Variants in ZBTB21 observed in about 807,000 individuals in gnomAD.
ZBTB21 encodes zinc finger and BTB domain-containing protein 21.
Under a neutral mutation model 39.8 loss-of-function variants are expected in ZBTB21, and 10 were observed. That is an observed-to-expected ratio of 0.25 (90% confidence interval 0.16 to 0.43). The LOEUF (loss-of-function observed/expected upper bound fraction) is 0.43, where lower values mean the gene tolerates loss of function less well. Among genes scored for constraint, ZBTB21 ranks in the 20% least tolerant of loss-of-function variants. The probability of loss-of-function intolerance (pLI) is 1.00; values close to 1 mark genes in which losing one functional copy is unlikely to be tolerated. For missense variants in ZBTB21, 1,221 were observed against 1,296.3 expected (o/e 0.94, Z 0.89); for synonymous variants, 551 against 498.8 (o/e 1.10, Z -1.40).
At position 41,992,721 on chromosome 21, in the gene ZBTB21, A is replaced by C; in HGVS notation, c.1375T>G (p.Ser459Ala). 6.2e-7 allele frequency: 1 copy of C among 1,614,186 alleles called. No individual in the cohort carries two copies. The highest frequency in any genetic ancestry group is 1.3e-5 in the African/African-American group (1 of 75,030). ...GACAGGTCTCTTGTGACCGACGAAG[A>C]TGAGGCAGCTGCTGTTGTTGCCGCA... ...GDAATTAAAS[S>A]SSVTRDLSLK... is the part of the protein sequence containing the mutation. The change falls in exon 3 of 3, where the codon TCT becomes GCT. Residue 459 changes from serine (S) to alanine (A), a missense_variant. Physicochemically the swap from Ser to Ala is moderately conservative, Grantham distance 99. Coordinates refer to ENST00000310826, the MANE Select transcript of ZBTB21 (RefSeq NM_001098402.2). The surrounding 1 kb of genome is among the most constrained non-coding windows in gnomAD (Gnocchi z 4.1).
chr21:42,001,395 T>C (rs1374045126), intron 2 of ZBTB21, among the ~76,000 whole-genome samples: 1 of 152,230 alleles, frequency 6.6e-6, no homozygotes, highest in Non-Finnish European at 1.5e-5. Context: ...AGAACCCTTC[T>C]AGACATGGAA....
intron 2 of ZBTB21, among the ~76,000 whole-genome samples, chr21:41,996,858 T>C (rs1366266237): frequency 6.6e-6 from 1 of 152,180 alleles, no homozygotes; most frequent in Non-Finnish European, 1.5e-5. Flanking sequence ...TGAATAAATC[T>C]CAGGAGAGCT....
In ZBTB21 at chr21:41,990,101, G is replaced by A. The variant is rs964499194; in HGVS notation, c.*794C>T. ...TCAAATGCTGGTCTGAATTTAGACT[G>A]TGGTGCAGTGTACATGTAACATGGT... On this transcript the variant is annotated 3_prime_UTR_variant, in exon 3 of 3. Coordinates refer to ENST00000310826, the MANE Select transcript of ZBTB21 (RefSeq NM_001098402.2). 1.3e-5 allele frequency: 2 copies of A among 152,242 alleles called. No homozygotes were observed. The highest frequency in any genetic ancestry group is 2.9e-5 in the Non-Finnish European group (2 of 68,022). 9.4% of individuals were successfully genotyped at this position (152,242 alleles called of 1,614,324 possible). A position where few individuals can be genotyped will look rare whatever the true frequency, so the allele number is the denominator to read the frequency against.
intron 1 of ZBTB21, among the ~76,000 whole-genome samples, chr21:42,003,745 C>T (rs1218021005): frequency 2.6e-5 from 4 of 152,184 alleles, no homozygotes; most frequent in Admixed American, 2.6e-4. Flanking sequence ...TGGTCCCAAG[C>T]ATTTCAGATA....
intron 1 of ZBTB21, among the ~76,000 whole-genome samples, chr21:42,007,419 T>C (rs909669993): frequency 4.6e-5 from 7 of 152,204 alleles, no homozygotes; most frequent in Admixed American, 3.3e-4. Flanking sequence ...CTGGTTACAA[T>C]TCATCTCTCC....
rs1214552217 is a variant in ZBTB21, at chr21:41,989,688, T to G, written c.*1207A>C. 1 of 152,208 alleles carries G rather than the reference T, an allele frequency of 6.6e-6. No homozygotes were observed. The highest frequency in any genetic ancestry group is 2.4e-5 in the African/African-American group (1 of 41,476). The allele number at this position is 152,208 out of a possible 1,614,324, so 9.4% of individuals were successfully genotyped here. A position where few individuals can be genotyped will look rare whatever the true frequency, so the allele number is the denominator to read the frequency against. ...CTGATAGTGCTCTAATACCTATTTT[T>G]GAAATATTAAGCAATGATGTAGAGA... On this transcript the variant is annotated 3_prime_UTR_variant, in exon 3 of 3. Transcript: ENST00000310826.
At chr21:42,007,705 A>C (rs2065897152) in intron 1 of ZBTB21, 1 of 152,284 alleles carries the variant, frequency 6.6e-6, no homozygotes, top group South Asian at 2.1e-4. Context: ...CCCTAAAGAA[A>C]GAACCCTTGT....
intron 2 of ZBTB21, among the ~76,000 whole-genome samples, chr21:42,001,324 A>G (rs1190756491): frequency 6.6e-6 from 1 of 152,238 alleles, no homozygotes; most frequent in African/African-American, 2.4e-5. Flanking sequence ...AGGTCAAGTC[A>G]TTTGCCTAAG....
At chr21:42,005,604 A>G (rs1031981190) in intron 1 of ZBTB21, among the ~76,000 whole-genome samples, 10 of 152,212 alleles carry the variant, frequency 6.6e-5, no homozygotes, top group African/African-American at 2.2e-4. Flanking sequence ...GAACCCTAAT[A>G]TATTTCCACG....
At chr21:42,000,583 G>A (rs1006570089) in intron 2 of ZBTB21, among the ~76,000 whole-genome samples, 4 of 152,112 alleles carry the variant, frequency 2.6e-5, no homozygotes, top group Non-Finnish European at 4.4e-5. Flanking sequence ...GCATCCCGTT[G>A]CCAAAAAAGC....
chr21:42,009,932 G>A (rs1443192135), intron 1 of ZBTB21, among the ~76,000 whole-genome samples: 1 of 152,196 alleles, frequency 6.6e-6, no homozygotes, highest in African/African-American at 2.4e-5. Flanking sequence ...CTACCCCAGG[G>A]GCAGCTCGGC....
chr21:42,009,351 G>A (rs1157089701), intron 1 of ZBTB21: 5 of 152,306 alleles, frequency 3.3e-5, no homozygotes, highest in Non-Finnish European at 5.9e-5. Context: ...AGCCGCTGAG[G>A]ATGGACTACG....
At chr21:42,009,131 G>T (rs866606122) in intron 1 of ZBTB21, 2 of 139,424 alleles carry the variant, frequency 1.4e-5, no homozygotes, top group Non-Finnish European at 3.1e-5. Flanking sequence ...GCGCTTGCAC[G>T]AAAGGAAAAA....
chr21:41,989,318 G>A lies in ZBTB21; in HGVS notation c.*1577C>T, dbSNP rs183121328. The A allele has an allele frequency of 3.9e-5, 6 of 152,156 alleles. No homozygotes were observed. Among genetic ancestry groups the A allele is most frequent in the Non-Finnish European group, 7.4e-5 (5 of 67,934 alleles). 9.4% of individuals were successfully genotyped at this position (152,156 alleles called of 1,614,324 possible). On this transcript the variant is annotated 3_prime_UTR_variant, in exon 3 of 3. Transcript: ENST00000310826. The stretch of plus-strand genomic sequence containing the variant: ...AGAATATCTTTCCTACCACTGGTAT[G>A]GAATGTTGGCAATAAGATTGATGGG...
At chr21:41,994,366 GC>G (rs1238485193) in intron 2 of ZBTB21, among the ~76,000 whole-genome samples, 1 of 152,130 alleles carries the variant, frequency 6.6e-6, no homozygotes, top group Non-Finnish European at 1.5e-5. Context: ...CATCAAAAAG[GC>G]TGCCAGAACT....
intron 2 of ZBTB21, among the ~76,000 whole-genome samples, chr21:42,002,177 G>A (rs565776833): frequency 1.3e-5 from 2 of 152,186 alleles, no homozygotes; most frequent in Non-Finnish European, 2.9e-5. Flanking sequence ...GGGGTAGCTA[G>A]GAGATGCAGA....
At position 42,001,954 on chromosome 21, in the gene ZBTB21, G is replaced by A. The variant is rs573072111; in HGVS notation, c.-14+943C>T. On this transcript the variant is annotated intron_variant, in intron 2 of 2. Transcript: ENST00000310826. Reference sequence around the variant, plus strand: ...AACACTACAGAGACAAGACAGAGCAGGAGGAATCCAAGGGAACCACAGGTG... The same window carrying A: ...AACACTACAGAGACAAGACAGAGCAAGAGGAATCCAAGGGAACCACAGGTG... 2.6e-5 allele frequency among the ~76,000 whole-genome samples: 4 copies of A among 152,322 alleles called. No homozygotes were observed. In the East Asian group the frequency reaches 7.7e-4, roughly 29 times the overall value.
At position 41,987,377 on chromosome 21, in the gene ZBTB21, T is replaced by C. The variant is rs938624703; in HGVS notation, c.*3518A>G. 4.6e-5 allele frequency: 7 copies of C among 152,226 alleles called. No individual in the cohort carries two copies. Among genetic ancestry groups the C allele is most frequent in the African/African-American group, 7.2e-5 (3 of 41,538 alleles). The allele number at this position is 152,226 out of a possible 1,614,324, so 9.4% of individuals were successfully genotyped here. A position where few individuals can be genotyped will look rare whatever the true frequency, so the allele number is the denominator to read the frequency against. On this transcript the variant is annotated 3_prime_UTR_variant, in exon 3 of 3. Coordinates refer to ENST00000310826, the MANE Select transcript of ZBTB21 (RefSeq NM_001098402.2). Reference sequence around the variant, plus strand: ...AGCTGGAGTACCCGCTGAGATACACTGAAAGAGCATATTAAAAATTACAAA... The same window carrying C: ...AGCTGGAGTACCCGCTGAGATACACCGAAAGAGCATATTAAAAATTACAAA...
At chr21:42,009,964 T>C (rs1048359691) in intron 1 of ZBTB21, among the ~76,000 whole-genome samples, 1 of 151,924 alleles carries the variant, frequency 6.6e-6, no homozygotes, top group South Asian at 2.1e-4. Context: ...GTGAAGCCCG[T>C]GAGGGAATGG....
Sources: allele counts gnomAD v4.1 joint callset (sites outside exome capture counted in the v4.1 genomes callset), GRCh38; gene constraint gnomAD v4.1.1; non-coding constraint Gnocchi (gnomAD v3.1); transcripts MANE v1.5; gene names NCBI Gene and HGNC (gene_info 2026-07-23, HGNC 2026-07-21).